LHX5: variants seen among roughly 807,000 people sequenced by gnomAD.
LHX5 encodes LIM/homeobox protein Lhx5.
A neutral mutation model predicts 30.6 loss-of-function variants in LHX5; 5 were observed. The ratio of observed to expected loss-of-function variants is 0.16; its 90% CI spans 0.09 to 0.34. LHX5 has a LOEUF of 0.34. Among genes scored for constraint, LHX5 ranks in the 10% least tolerant of loss-of-function variants. LHX5 has a pLI of 1.00. For synonymous variants in LHX5, 266 were observed against 252.6 expected (o/e 1.05, Z -0.50); for missense variants, 458 against 570.6 (o/e 0.80, Z 2.01).
chr12:113,466,967 C>G lies in LHX5; in HGVS notation c.841+289G>C, dbSNP rs1048191035. ...ACGTGATCGTGCGATCGTGTCTAGA[C>G]GTGTGTCCCTGGAGTCTCTGAACGC... is the stretch of plus-strand genomic sequence containing the variant. On this transcript the variant is annotated intron_variant, in intron 4 of 4. Coordinates refer to ENST00000261731, the MANE Select transcript of LHX5 (RefSeq NM_022363.3). This position sits in a 1 kb window ranked among gnomAD's most constrained non-coding sequence, Gnocchi z 6.5. Among the ~76,000 whole-genome samples, 2 of 151,718 alleles carry G rather than the reference C, an allele frequency of 1.3e-5. No homozygotes were observed. The highest frequency in any genetic ancestry group is 2.9e-5 in the Non-Finnish European group (2 of 67,982).
chr12:113,466,949 C>T lies in LHX5; in HGVS notation c.841+307G>A, dbSNP rs778859482. Among the ~76,000 whole-genome samples, 1 of 151,862 alleles carries T rather than the reference C, an allele frequency of 6.6e-6. No individual in the cohort carries two copies. Among genetic ancestry groups the T allele is most frequent in the Non-Finnish European group, 1.5e-5 (1 of 67,996 alleles). ...AGGGTGGAATTTACCTATACGTGAT[C>T]GTGCGATCGTGTCTAGACGTGTGTC... On this transcript the variant is annotated intron_variant, in intron 4 of 4. Transcript: ENST00000261731. This position sits in a 1 kb window ranked among gnomAD's most constrained non-coding sequence, Gnocchi z 6.5.
chr12:113,471,218 T>G, intron 1 of LHX5, 108 bp downstream of exon 1: 4 of 1,186,290 alleles, frequency 3.4e-6, no homozygotes, highest in Non-Finnish European at 4.8e-6. Context: ...CATCTAAGCT[T>G]GTGATCCGGG....
chr12:113,470,585 G>C (rs1038172301), intron 1 of LHX5, among the ~76,000 whole-genome samples: 2 of 152,208 alleles, frequency 1.3e-5, no homozygotes, highest in African/African-American at 4.8e-5. Flanking sequence ...GCCGGCTCTG[G>C]GTGCCCAGAG....
In LHX5 at chr12:113,463,591, G is replaced by A; in HGVS notation, c.842-34C>T. On this transcript the variant is annotated intron_variant, in intron 4 of 4. Transcript: ENST00000261731. This position sits in a 1 kb window ranked among gnomAD's most constrained non-coding sequence, Gnocchi z 6.7. ...GGGGAGCGGGAAGGAGACAGGGCGC[G>A]GTGAGAGAAGGCGAAGTAGGCGGGG... 2.0e-6 allele frequency: 3 copies of A among 1,482,764 alleles called. No homozygotes were observed. Among genetic ancestry groups the A allele is most frequent in the Non-Finnish European group, 2.7e-6 (3 of 1,122,838 alleles). 91.9% of individuals were successfully genotyped at this position (1,482,764 alleles called of 1,614,324 possible).
At position 113,463,494 on chromosome 12, in the gene LHX5, GA is replaced by G; in HGVS notation, c.904del (p.Ser302ArgfsTer43). On this transcript the variant is annotated frameshift_variant, in exon 5 of 5. Transcript: ENST00000261731. LOFTEE classifies it low-confidence loss of function (END_TRUNC). This position sits in a 1 kb window ranked among gnomAD's most constrained non-coding sequence, Gnocchi z 6.7. ...GGAGTCGGCCGGGGACTGCGCCTGC[GA>G]AGGCGGGCCGTGCGCGAAGAAGTCG... Reference protein sequence around the residue: ...NYDFFAHGPPSQAQSPADSSF... With the variant: ...NYDFFAHGPPXQAQSPADSSF... The G allele has an allele frequency of 6.4e-7, 1 of 1,566,848 alleles. No homozygotes were observed. The highest frequency in any genetic ancestry group is 2.4e-5 in the East Asian group (1 of 42,382).
Position 113,467,118 on chromosome 12 carries a change from T to A in LHX5, c.841+138A>T, listed in dbSNP as rs572024022. ...TTTGTGTCCAGGACATGTGGGTGAG[T>A]GTACATGTGTCTGTGATCGTGTGTC... is the stretch of plus-strand genomic sequence containing the variant. On this transcript the variant is annotated intron_variant, in intron 4 of 4. Coordinates refer to ENST00000261731, the MANE Select transcript of LHX5 (RefSeq NM_022363.3). The surrounding 1 kb of genome is among the most constrained non-coding windows in gnomAD (Gnocchi z 6.3). 2.6e-6 allele frequency: 2 copies of A among 767,460 alleles called. No individual in the cohort carries two copies. The highest frequency in any genetic ancestry group is 3.6e-5 in the Admixed American group (1 of 27,466). 47.5% of individuals were successfully genotyped at this position (767,460 alleles called of 1,614,324 possible). A position where few individuals can be genotyped will look rare whatever the true frequency, so the allele number is the denominator to read the frequency against.
rs931900108 is a variant in LHX5, at chr12:113,465,459, G to T, written c.841+1797C>A. 7.2e-5 allele frequency among the ~76,000 whole-genome samples: 11 copies of T among 152,238 alleles called. No individual in the cohort carries two copies. The highest frequency in any genetic ancestry group is 2.4e-4 in the African/African-American group (10 of 41,476). On this transcript the variant is annotated intron_variant, in intron 4 of 4. Coordinates refer to ENST00000261731, the MANE Select transcript of LHX5 (RefSeq NM_022363.3). This position sits in a 1 kb window ranked among gnomAD's most constrained non-coding sequence, Gnocchi z 6.7. ...GGGGCTTTGTCCGCGCTCCCACGGG[G>T]AGCCGCCGGCCCCGCCGCCCGGCCC...
rs950306272 is a variant in LHX5, at chr12:113,462,848, G to C, written c.*342C>G. 1 of 205,438 alleles carries C rather than the reference G, an allele frequency of 4.9e-6. No individual in the cohort carries two copies. The allele number at this position is 205,438 out of a possible 1,614,324, so 12.7% of individuals were successfully genotyped here. A position where few individuals can be genotyped will look rare whatever the true frequency, so the allele number is the denominator to read the frequency against. Reference sequence around the variant, plus strand: ...CCCTCTCTCAGTCCAAAGAGGTGGCGGTGGCTGGGTGGGTGGGTGGGGGCC... The same window carrying C: ...CCCTCTCTCAGTCCAAAGAGGTGGCCGTGGCTGGGTGGGTGGGTGGGGGCC... On this transcript the variant is annotated 3_prime_UTR_variant, in exon 5 of 5. Coordinates refer to ENST00000261731, the MANE Select transcript of LHX5 (RefSeq NM_022363.3).
Position 113,471,471 on chromosome 12 carries a change from G to T in LHX5, c.28C>A (p.Arg10=). 6.2e-7 allele frequency: 1 copy of T among 1,607,206 alleles called. No homozygotes were observed. The highest frequency in any genetic ancestry group is 8.5e-7 in the Non-Finnish European group (1 of 1,177,060). ...AGCAGAAAGCGGTCGAGGATGGGCCGCTCGCAACCGGCGCAGTGCACCATC... is the reference window on the plus strand; with the variant it reads ...AGCAGAAAGCGGTCGAGGATGGGCCTCTCGCAACCGGCGCAGTGCACCATC... The part of the protein sequence containing the change: MMVHCAGCE[R]PILDRFLLNV... The change falls in exon 1 of 5, where the codon CGG becomes AGG. Residue 10 remains arginine (R), a synonymous_variant. Coordinates refer to ENST00000261731, the MANE Select transcript of LHX5 (RefSeq NM_022363.3).
chr12:113,468,151 G>A lies in LHX5; in HGVS notation c.651C>T (p.Thr217=). The A allele has an allele frequency of 6.2e-7, 1 of 1,603,422 alleles. No homozygotes were observed. Among genetic ancestry groups the A allele is most frequent in the South Asian group, 1.1e-5 (1 of 90,122 alleles). The change falls in exon 3 of 5, where the codon ACC becomes ACT. Residue 217 remains threonine, a synonymous_variant. Coordinates refer to ENST00000261731, the MANE Select transcript of LHX5 (RefSeq NM_022363.3). ...CCTGGATGACGCGCATGTTGAGGCC[G>A]GTCTCCTGCGCCAGCTGCTCGCGGA... ...RHIREQLAQE[T]GLNMRVIQVW...
rs545079510 is a variant in LHX5 at position 113,466,375 on chromosome 12, C to A, written c.841+881G>T. ...GATAGGGGGAGTTGGGATGGCTCAC[C>A]AATCCAGTGTGAGGGAAGTGAGAGG... On this transcript the variant is annotated intron_variant, in intron 4 of 4. Transcript: ENST00000261731. The surrounding 1 kb of genome is among the most constrained non-coding windows in gnomAD (Gnocchi z 6.5). 6.6e-6 allele frequency among the ~76,000 whole-genome samples: 1 copy of A among 152,266 alleles called. No homozygotes were observed. Among genetic ancestry groups the A allele is most frequent in the South Asian group, 2.1e-4 (1 of 4,822 alleles).
Position 113,467,270 on chromosome 12 carries a change from T to G in LHX5, c.827A>C (p.Tyr276Ser). Residue 276 changes from tyrosine to serine, a missense_variant, in exon 4 of 5, where the codon TAC (tyrosine) becomes TCC (serine). Physicochemically the swap from Tyr to Ser is moderately radical, Grantham distance 144. Around this residue, in one of 3 missense-constraint regions of LHX5, gnomAD observed 255 missense variants for 246.8 expected, o/e 1.03. Transcript: ENST00000261731. This position sits in a 1 kb window ranked among gnomAD's most constrained non-coding sequence, Gnocchi z 6.3. ...DESEMLGSTP[Y>S]TYYGDYQGDY... Reference sequence around the variant, plus strand: ...GCGCCCCTTACCTCCGTAGTAGGTGTACGGGGTGGACCCCAACATCTCAGA... The same window carrying G: ...GCGCCCCTTACCTCCGTAGTAGGTGGACGGGGTGGACCCCAACATCTCAGA... 6.7e-7 allele frequency: 1 copy of G among 1,497,204 alleles called. No individual in the cohort carries two copies. The highest frequency in any genetic ancestry group is 9.0e-7 in the Non-Finnish European group (1 of 1,111,858). The allele number at this position is 1,497,204 out of a possible 1,614,324, so 92.7% of individuals were successfully genotyped here. A position where few individuals can be genotyped will look rare whatever the true frequency, so the allele number is the denominator to read the frequency against.
In LHX5 at chr12:113,464,875, C is replaced by G. The variant is rs1251490905; in HGVS notation, c.842-1318G>C. 6.6e-6 allele frequency among the ~76,000 whole-genome samples: 1 copy of G among 152,218 alleles called. No homozygotes were observed. The highest frequency in any genetic ancestry group is 1.5e-5 in the Non-Finnish European group (1 of 68,042). On this transcript the variant is annotated intron_variant, in intron 4 of 4. Coordinates refer to ENST00000261731, the MANE Select transcript of LHX5 (RefSeq NM_022363.3). The surrounding 1 kb of genome is among the most constrained non-coding windows in gnomAD (Gnocchi z 6.2). ...CTGTATCAACTCTCTGACCGCCCCA[C>G]ATAGCCCCTTTTCCAGAACCTTCGG...
chr12:113,467,245 G>A lies in LHX5; in HGVS notation c.841+11C>T. On this transcript the variant is annotated intron_variant, in intron 4 of 4. Transcript: ENST00000261731. The surrounding 1 kb of genome is among the most constrained non-coding windows in gnomAD (Gnocchi z 6.3). ...CAGGTGCGGAACAGCGAATCCCGGGGCGCCCCTTACCTCCGTAGTAGGTGT... is the reference window on the plus strand; with the variant it reads ...CAGGTGCGGAACAGCGAATCCCGGGACGCCCCTTACCTCCGTAGTAGGTGT... 3 of 1,437,514 alleles carry A rather than the reference G, an allele frequency of 2.1e-6. 1 individual carries two copies. The highest frequency in any genetic ancestry group is 2.9e-5 in the South Asian group (2 of 69,330). The allele number at this position is 1,437,514 out of a possible 1,614,324, so 89.0% of individuals were successfully genotyped here.
Position 113,462,663 on chromosome 12 carries a change from C to T in LHX5, c.*527G>A, listed in dbSNP as rs1383324882. 1 of 152,266 alleles carries T rather than the reference C, an allele frequency of 6.6e-6. No homozygotes were observed. The highest frequency in any genetic ancestry group is 2.4e-5 in the African/African-American group (1 of 41,452). 9.4% of individuals were successfully genotyped at this position (152,266 alleles called of 1,614,324 possible). ...GGCTGACGCTGTCTCTCCATCTCCTCCTCATCTTGCCCCCTTTCCTCTCCC... is the reference window on the plus strand; with the variant it reads ...GGCTGACGCTGTCTCTCCATCTCCTTCTCATCTTGCCCCCTTTCCTCTCCC... On this transcript the variant is annotated 3_prime_UTR_variant, in exon 5 of 5. Coordinates refer to ENST00000261731, the MANE Select transcript of LHX5 (RefSeq NM_022363.3).
rs1192466738 is a variant in LHX5 at position 113,462,391 on chromosome 12, G to T, written c.*799C>A. 6.6e-6 allele frequency: 1 copy of T among 152,236 alleles called. No homozygotes were observed. Among genetic ancestry groups the T allele is most frequent in the Non-Finnish European group, 1.5e-5 (1 of 68,044 alleles). 9.4% of individuals were successfully genotyped at this position (152,236 alleles called of 1,614,324 possible). ...GCAATCCTGGCGCCCCACCCAGGGG[G>T]AGAGCAGGATGTGTGCGTGTTCGAG... is the stretch of plus-strand genomic sequence containing the variant. On this transcript the variant is annotated 3_prime_UTR_variant, in exon 5 of 5. Coordinates refer to ENST00000261731, the MANE Select transcript of LHX5 (RefSeq NM_022363.3).
At chr12:113,468,462 T>C in intron 2 of LHX5, 58 bp from the exon 3 acceptor site, 1 of 1,536,036 alleles carries the variant, frequency 6.5e-7, no homozygotes, top group East Asian at 2.3e-5. Context: ...AGACGCCTCT[T>C]CAGTCCAGTG....
In LHX5 at chr12:113,465,975, C is replaced by T. The variant is rs1291295355; in HGVS notation, c.841+1281G>A. On this transcript the variant is annotated intron_variant, in intron 4 of 4. Coordinates refer to ENST00000261731, the MANE Select transcript of LHX5 (RefSeq NM_022363.3). The surrounding 1 kb of genome is among the most constrained non-coding windows in gnomAD (Gnocchi z 6.7). ...CTCTGCCCTGAAAAGCACAGCCTGG[C>T]ATTTTGCCCACAATTTCTAGGGGCC... is the stretch of plus-strand genomic sequence containing the variant. Among the ~76,000 whole-genome samples the T allele has an allele frequency of 1.3e-5, 2 of 152,144 alleles. No individual in the cohort carries two copies. Among genetic ancestry groups the T allele is most frequent in the Non-Finnish European group, 2.9e-5 (2 of 68,022 alleles).
chr12:113,467,775 G>A lies in LHX5; in HGVS notation c.675+352C>T, dbSNP rs1025077893. ...CTGGCCGTTTGTCTGCCCGCGCTTC[G>A]GCGCAGGGAGGGAGGGGGCATCGCC... On this transcript the variant is annotated intron_variant, in intron 3 of 4. Coordinates refer to ENST00000261731, the MANE Select transcript of LHX5 (RefSeq NM_022363.3). The surrounding 1 kb of genome is among the most constrained non-coding windows in gnomAD (Gnocchi z 6.3). Among the ~76,000 whole-genome samples, 3 of 152,210 alleles carry A rather than the reference G, an allele frequency of 2.0e-5. No homozygotes were observed. The highest frequency in any genetic ancestry group is 2.0e-4 in the Admixed American group (3 of 15,288).
Sources: gnomAD v4.1 joint callset for allele counts (sites outside exome capture counted in the v4.1 genomes callset) on GRCh38, gnomAD v4.1.1 for gene constraint, gnomAD v4.1.1 regional missense constraint, Gnocchi (gnomAD v3.1) non-coding constraint, MANE v1.5 for transcripts, NCBI Gene and HGNC (gene_info 2026-07-23, HGNC 2026-07-21) for gene names.